The following SLC39A11 variants were observed in gnomAD, a reference collection of about 807,000 sequenced individuals.
SLC39A11 encodes the protein solute carrier family 39 member 11.
In SLC39A11, 33 loss-of-function variants were observed where a neutral mutation model predicts 36.1. The ratio of observed to expected loss-of-function variants is 0.91; its 90% confidence interval spans 0.69 to 1.22. The LOEUF (loss-of-function observed/expected upper bound fraction) is 1.22. SLC39A11 is among the 50% of genes most tolerant of loss of function. The probability of loss-of-function intolerance (pLI) is 0.00; values close to 1 mark genes in which losing one functional copy is unlikely to be tolerated. For missense variants in SLC39A11, 432 were observed against 430.3 expected, an observed-to-expected ratio of 1.00 and a Z score of -0.03; for synonymous variants, 166 against 170.3, an observed-to-expected ratio of 0.97 and a Z score of 0.20.
chr17:72,732,980 G>A (rs1194796703), intron 7 of SLC39A11, among the ~76,000 whole-genome samples: 1 of 152,200 alleles, frequency 6.6e-6, no homozygotes, highest in Non-Finnish European at 1.5e-5. Flanking sequence ...GAGAGGACAA[G>A]TTGCACACGC....
intron 6 of SLC39A11, among the ~76,000 whole-genome samples, chr17:72,812,278 G>A (rs1002907406): frequency 4.3e-4 from 65 of 152,166 alleles, no homozygotes; most frequent in African/African-American, 1.3e-3. Context: ...AACTTTATCC[G>A]TTAGTAGATT....
chr17:72,714,293 T>C (rs1012487579), intron 7 of SLC39A11, among the ~76,000 whole-genome samples: 2 of 151,824 alleles, frequency 1.3e-5, no homozygotes, highest in South Asian at 2.1e-4. Context: ...GAGGCGGAGG[T>C]TGCAGTGAGC....
chr17:72,872,952 G>T (rs1176374778), intron 5 of SLC39A11, among the ~76,000 whole-genome samples: 3 of 151,618 alleles, frequency 2.0e-5, no homozygotes, highest in Non-Finnish European at 4.4e-5. Flanking sequence ...CTACTCGGAG[G>T]CTGAGTCAGG....
chr17:72,807,435 G>A (rs1229617287), intron 6 of SLC39A11, among the ~76,000 whole-genome samples: 2 of 152,138 alleles, frequency 1.3e-5, no homozygotes, highest in Non-Finnish European at 2.9e-5. Flanking sequence ...GTTAACACCC[G>A]AGTTTATGCT....
At chr17:72,836,194 C>A (rs760660637) in intron 6 of SLC39A11, among the ~76,000 whole-genome samples, 6 of 152,184 alleles carry the variant, frequency 3.9e-5, no homozygotes, top group Non-Finnish European at 8.8e-5. Flanking sequence ...TTAAGAAAAG[C>A]AAGAAGCATT....
At chr17:72,719,917 C>T (rs886248960) in intron 7 of SLC39A11, among the ~76,000 whole-genome samples, 2 of 152,300 alleles carry the variant, frequency 1.3e-5, no homozygotes, top group African/African-American at 4.8e-5. Context: ...AGGGGCAGCA[C>T]TGTCATCTTC....
chr17:73,068,218 C>T (rs918932229), intron 3 of SLC39A11: 22 of 958,468 alleles, frequency 2.3e-5, no homozygotes, highest in African/African-American at 8.2e-5. Context: ...CTGGGGAGAC[C>T]TCCGTAAGTC....
chr17:72,928,651 C>T (rs766345752), intron 5 of SLC39A11, among the ~76,000 whole-genome samples: 12 of 152,158 alleles, frequency 7.9e-5, no homozygotes, highest in Admixed American at 1.3e-4. Flanking sequence ...TGATTCTCTC[C>T]TTCACTCTCC....
intron 6 of SLC39A11, among the ~76,000 whole-genome samples, chr17:72,802,790 G>C (rs779919546): frequency 3.3e-5 from 5 of 151,980 alleles, no homozygotes; most frequent in African/African-American, 4.8e-5. Flanking sequence ...AGGTGCCCTC[G>C]AGGAAGCCAG....
intron 3 of SLC39A11, among the ~76,000 whole-genome samples, chr17:73,053,290 C>T (rs1447260190): frequency 1.3e-5 from 2 of 150,736 alleles, no homozygotes; most frequent in Admixed American, 1.3e-4. Context: ...AAGATTGATA[C>T]TACTGAGAAG....
chr17:73,059,611 C>T (rs1401428429), intron 3 of SLC39A11, among the ~76,000 whole-genome samples: 7 of 149,448 alleles, frequency 4.7e-5, no homozygotes, highest in Admixed American at 6.7e-5. Flanking sequence ...GCCGAGATCG[C>T]GCCATTGCAC....
intron 5 of SLC39A11, among the ~76,000 whole-genome samples, chr17:72,874,373 G>A (rs1302739668): frequency 6.6e-6 from 1 of 152,056 alleles, no homozygotes; most frequent in African/African-American, 2.4e-5. Flanking sequence ...TCCCACCCCG[G>A]ACATGCAGTT....
At chr17:72,768,934 G>A (rs1053736754) in intron 6 of SLC39A11, among the ~76,000 whole-genome samples, 2 of 151,942 alleles carry the variant, frequency 1.3e-5, no homozygotes, top group African/African-American at 4.8e-5. Context: ...CTAATTTTCT[G>A]TATTTTTAGT....
chr17:72,902,557 A>G (rs2082447896), intron 5 of SLC39A11, among the ~76,000 whole-genome samples: 1 of 152,272 alleles, frequency 6.6e-6, no homozygotes, highest in Non-Finnish European at 1.5e-5. Context: ...TGTTAACAGC[A>G]AACTACTCCA....
intron 3 of SLC39A11, among the ~76,000 whole-genome samples, chr17:73,037,148 C>T (rs560653514): frequency 6.6e-6 from 1 of 152,166 alleles, no homozygotes; most frequent in Non-Finnish European, 1.5e-5. Flanking sequence ...TTTTTGGTTG[C>T]TTCTGAGTTT....
At chr17:72,698,059 T>A (rs771253811) in intron 7 of SLC39A11, among the ~76,000 whole-genome samples, 1 of 152,232 alleles carries the variant, frequency 6.6e-6, no homozygotes, top group Non-Finnish European at 1.5e-5. Flanking sequence ...AACGCCTTGT[T>A]CTACGCGGGC....
At chr17:72,698,459 C>CAAAAAA (rs61454778) in intron 7 of SLC39A11, among the ~76,000 whole-genome samples, 10 of 92,998 alleles carry the variant, frequency 1.1e-4, no homozygotes, top group South Asian at 3.9e-4. Context: ...TAATAAAAAC[C>CAAAAAA]AAAAAAAAAA....
chr17:72,715,733 T>C (rs1439319532), intron 7 of SLC39A11, among the ~76,000 whole-genome samples: 1 of 152,150 alleles, frequency 6.6e-6, no homozygotes, highest in African/African-American at 2.4e-5. Flanking sequence ...TGGTGGAGTC[T>C]CGCTCTGTCA....
chr17:72,875,687 C>T (rs6416838), intron 5 of SLC39A11, among the ~76,000 whole-genome samples: 89,930 of 152,062 alleles, frequency 0.59, 29,536 homozygotes, highest in African/African-American at 0.89. Flanking sequence ...TGATCTAATT[C>T]GGAGTCATTG....
Sources: allele counts gnomAD v4.1 joint callset (sites outside exome capture counted in the v4.1 genomes callset), GRCh38; gene constraint gnomAD v4.1.1; transcripts MANE v1.5; gene names NCBI Gene and HGNC (gene_info 2026-07-23, HGNC 2026-07-21).